Variants in PRKCQ observed in about 807,000 individuals in gnomAD.
PRKCQ encodes protein kinase C theta.
Under a neutral mutation model 91.2 loss-of-function variants are expected in PRKCQ, and 41 were observed. The observed-to-expected ratio is 0.45, with a 90% CI of 0.35 to 0.58. The LOEUF (loss-of-function observed/expected upper bound fraction) is 0.58, where lower values mean the gene tolerates loss of function less well. Ranked by LOEUF, PRKCQ falls within the 20% of genes least tolerant of loss-of-function variation. The pLI is 0.00. For synonymous variants in PRKCQ, 307 were observed against 316.9 expected, an observed-to-expected ratio of 0.97 and a Z score of 0.33; for missense variants, 673 against 896.5, an observed-to-expected ratio of 0.75 and a Z score of 3.18.
intron 15 of PRKCQ, among the ~76,000 whole-genome samples, chr10:6,450,385 C>A (rs921080570): frequency 6.6e-6 from 1 of 151,856 alleles, no homozygotes; most frequent in African/African-American, 2.4e-5. Flanking sequence ...GCTAACTATC[C>A]TAAATATATA....
At chr10:6,454,837 C>A (rs926617278) in intron 15 of PRKCQ, among the ~76,000 whole-genome samples, 1 of 151,962 alleles carries the variant, frequency 6.6e-6, no homozygotes, top group African/African-American at 2.4e-5. Flanking sequence ...GAGAAGAGGA[C>A]CAAGCACTGA....
intron 1 of PRKCQ, among the ~76,000 whole-genome samples, chr10:6,541,087 G>A (rs1471096306): frequency 6.6e-6 from 1 of 152,164 alleles, no homozygotes; most frequent in Non-Finnish European, 1.5e-5. Flanking sequence ...ATGCACTGAA[G>A]GTCCATAAAT....
At chr10:6,554,634 T>C (rs112679070) in intron 1 of PRKCQ, among the ~76,000 whole-genome samples, 3 of 152,104 alleles carry the variant, frequency 2.0e-5, no homozygotes, top group African/African-American at 7.2e-5. Context: ...AAAATGGAAA[T>C]TGTGTTAGGA....
chr10:6,395,574 C>A, the PRKCQ span, among the ~76,000 whole-genome samples: 1 of 152,094 alleles, frequency 6.6e-6, no homozygotes, highest in African/African-American at 2.4e-5. Flanking sequence ...GACTCCTAAA[C>A]CATAATTTCT....
rs1836838065 is a variant in PRKCQ, at chr10:6,485,235, C to G, written c.935G>C (p.Arg312Thr). Residue 312 changes from arginine to threonine, a missense_variant, in exon 10 of 18, where the codon AGA (arginine) becomes ACA (threonine). Coordinates refer to ENST00000263125, the MANE Select transcript of PRKCQ (RefSeq NM_006257.5). ...RCLRDTEQIF[R>T]EGPVEIGLPC... ...GAGACCAATTTCAACCGGACCTTCT[C>G]TGAAGATCTGTTCAGTATCTCTTAA... 6.2e-7 allele frequency: 1 copy of G among 1,613,960 alleles called. No homozygotes were observed. Among genetic ancestry groups the G allele is most frequent in the African/African-American group, 1.3e-5 (1 of 74,906 alleles).
the PRKCQ span, among the ~76,000 whole-genome samples, chr10:6,418,394 G>A: frequency 3.9e-5 from 6 of 152,260 alleles, no homozygotes; most frequent in South Asian, 8.3e-4. Flanking sequence ...AGTCTGGGCC[G>A]GCTCTGACGT....
At chr10:6,517,802 C>T (rs566673235) in intron 1 of PRKCQ, among the ~76,000 whole-genome samples, 11 of 138,744 alleles carry the variant, frequency 7.9e-5, no homozygotes, top group South Asian at 4.6e-4. Flanking sequence ...AGTAAGTAAA[C>T]GCCATTCTTA....
At chr10:6,570,060 A>C (rs542505256) in intron 1 of PRKCQ, among the ~76,000 whole-genome samples, 3 of 150,334 alleles carry the variant, frequency 2.0e-5, no homozygotes, top group Non-Finnish European at 1.5e-5. Context: ...GGAAGGAAGG[A>C]AGGAAACATG....
At chr10:6,441,098 G>C (rs1008731527) in intron 16 of PRKCQ, among the ~76,000 whole-genome samples, 1 of 152,118 alleles carries the variant, frequency 6.6e-6, no homozygotes, top group African/African-American at 2.4e-5. Flanking sequence ...TTTTATCTAA[G>C]AGCAGGCCAA....
chr10:6,454,302 C>G (rs1001340498), intron 15 of PRKCQ, among the ~76,000 whole-genome samples: 1 of 152,036 alleles, frequency 6.6e-6, no homozygotes, highest in African/African-American at 2.4e-5. Context: ...GGGAGGAAAG[C>G]AGATGGAAGG....
the PRKCQ span, among the ~76,000 whole-genome samples, chr10:6,405,440 C>A: frequency 6.6e-6 from 1 of 152,192 alleles, no homozygotes; most frequent in African/African-American, 2.4e-5. Flanking sequence ...CTGGACCCCA[C>A]CCAGGGAACT....
intron 4 of PRKCQ, among the ~76,000 whole-genome samples, chr10:6,503,224 G>A (rs941612103): frequency 1.2e-4 from 19 of 152,206 alleles, no homozygotes; most frequent in African/African-American, 4.1e-4. Flanking sequence ...AGTACTTATT[G>A]TCTGAGAATA....
intron 12 of PRKCQ, among the ~76,000 whole-genome samples, chr10:6,466,415 A>C (rs3793727): frequency 0.26 from 40,156 of 152,172 alleles, 5,805 homozygotes; most frequent in Middle Eastern, 0.34. Context: ...GTGTTTACTA[A>C]CATGAGGGTG....
At chr10:6,507,861 T>G (rs1157977015) in intron 3 of PRKCQ, among the ~76,000 whole-genome samples, 1 of 152,222 alleles carries the variant, frequency 6.6e-6, no homozygotes, top group Non-Finnish European at 1.5e-5. Context: ...GCACTGGGAC[T>G]GGCTTCCTTG....
chr10:6,429,245 T>C (rs1355182411), intron 17 of PRKCQ, among the ~76,000 whole-genome samples: 1 of 152,228 alleles, frequency 6.6e-6, no homozygotes, highest in Non-Finnish European at 1.5e-5. Context: ...GATTTTTATG[T>C]GCAAAATATT....
chr10:6,458,666 C>G (rs1835157316), intron 14 of PRKCQ, among the ~76,000 whole-genome samples: 1 of 152,190 alleles, frequency 6.6e-6, no homozygotes, highest in Admixed American at 6.5e-5. Flanking sequence ...CATTTCCCCT[C>G]TGGCAGCCTC....
chr10:6,481,228 T>C (rs948047486), intron 11 of PRKCQ, among the ~76,000 whole-genome samples: 2 of 152,250 alleles, frequency 1.3e-5, no homozygotes, highest in African/African-American at 2.4e-5. Context: ...TTTAACTTAA[T>C]GTCTTCCTTA....
intron 4 of PRKCQ, among the ~76,000 whole-genome samples, chr10:6,505,802 A>T (rs1838177254): frequency 1.3e-5 from 2 of 151,794 alleles, no homozygotes; most frequent in South Asian, 4.2e-4. Flanking sequence ...CGCACCACCA[A>T]CTCTGGCTAA....
chr10:6,493,618 G>C (rs1837439192), intron 7 of PRKCQ, among the ~76,000 whole-genome samples: 1 of 152,210 alleles, frequency 6.6e-6, no homozygotes. Flanking sequence ...AACTTTGTTA[G>C]TCATTGAGGT....
Sources: gnomAD v4.1 joint callset for allele counts (sites outside exome capture counted in the v4.1 genomes callset) on GRCh38, gnomAD v4.1.1 for gene constraint, MANE v1.5 for transcripts, NCBI Gene and HGNC (gene_info 2026-07-23, HGNC 2026-07-21) for gene names.